ITPR2: variants seen among roughly 807,000 people sequenced by gnomAD.
The protein encoded by ITPR2 is inositol 1,4,5-trisphosphate receptor type 2, also known as inositol 1,4,5-trisphosphate-gated calcium channel ITPR2.
ITPR2 carries 207 observed loss-of-function variants against 317.1 expected under a neutral mutation model. The observed-to-expected ratio is 0.65, with a 90% CI of 0.58 to 0.73. ITPR2 has a LOEUF of 0.73. Among genes scored for constraint, ITPR2 ranks in the 30% least tolerant of loss-of-function variants. ITPR2 has a pLI of 0.00. For synonymous variants in ITPR2, 1,156 were observed against 1,149.1 expected (o/e 1.01, Z -0.12); for missense variants, 2,613 against 3,284.0 (o/e 0.80, Z 4.99).
In ITPR2 at chr12:26,539,152, T is replaced by C. The variant is rs372323145; in HGVS notation, c.5073+11095A>G. Among the ~76,000 whole-genome samples, 156 of 152,344 alleles carry C rather than the reference T, an allele frequency of 1.0e-3. 1 individual carries two copies. The highest frequency in any genetic ancestry group is 3.7e-3 in the African/African-American group (152 of 41,584). The stretch of plus-strand genomic sequence containing the variant: ...AGTATCCCGAAATTAGTGTATTTGA[T>C]AGAAAAGGTGAAATGTATCAGGCCC... On this transcript the variant is annotated intron_variant, in intron 37 of 56. Coordinates refer to ENST00000381340, the MANE Select transcript of ITPR2 (RefSeq NM_002223.4).
chr12:26,612,842 T>C (rs924402824), intron 26 of ITPR2, among the ~76,000 whole-genome samples: 1 of 152,216 alleles, frequency 6.6e-6, no homozygotes, highest in South Asian at 2.1e-4. Context: ...TCATTGCAAA[T>C]ACAAATCGCT....
chr12:26,660,552 ACTGGAATGTACCTATTC>A (rs1208766754), intron 15 of ITPR2, among the ~76,000 whole-genome samples: 1 of 152,232 alleles, frequency 6.6e-6, no homozygotes, highest in South Asian at 2.1e-4. Flanking sequence ...GGTAAAATTT[ACTGGAATGTACCTATTC>A]CTTGAAAATG....
At chr12:26,566,817 G>A (rs1413603487) in intron 34 of ITPR2, among the ~76,000 whole-genome samples, 2 of 152,112 alleles carry the variant, frequency 1.3e-5, no homozygotes, top group African/African-American at 4.8e-5. Flanking sequence ...ACACACAGCA[G>A]TGCAACTGCA....
intron 55 of ITPR2, among the ~76,000 whole-genome samples, chr12:26,374,984 A>T (rs554619423): frequency 1.3e-5 from 2 of 152,244 alleles, no homozygotes; most frequent in Non-Finnish European, 2.9e-5. Context: ...TGCCATCTTA[A>T]CTAATTACTT....
intron 37 of ITPR2, among the ~76,000 whole-genome samples, chr12:26,508,931 A>C (rs963937814): frequency 6.6e-6 from 1 of 152,250 alleles, no homozygotes; most frequent in East Asian, 1.9e-4. Flanking sequence ...GGTCCACACA[A>C]GAACTTGTAC....
At chr12:26,343,692 T>C (rs892245865) in intron 55 of ITPR2, among the ~76,000 whole-genome samples, 2 of 152,168 alleles carry the variant, frequency 1.3e-5, no homozygotes, top group African/African-American at 4.8e-5. Context: ...AGGGCCAAAA[T>C]CTGTATGAAT....
intron 2 of ITPR2, among the ~76,000 whole-genome samples, chr12:26,756,518 G>A (rs1004326232): frequency 1.2e-4 from 19 of 152,118 alleles, no homozygotes; most frequent in African/African-American, 4.6e-4. Context: ...TAGTCTTTTT[G>A]TAGAAATGCA....
In ITPR2 at chr12:26,467,169, T is replaced by A. The variant is rs571972925; in HGVS notation, c.6342+8127A>T. The stretch of plus-strand genomic sequence containing the variant: ...TAAATTAAACTTTAGCTATTTGGAG[T>A]AATTTACATGCATATCCCTTAAAAT... On this transcript the variant is annotated intron_variant, in intron 45 of 56. Transcript: ENST00000381340. Among the ~76,000 whole-genome samples the A allele has an allele frequency of 5.3e-5, 8 of 152,330 alleles. No homozygotes were observed. In the East Asian group the frequency reaches 1.5e-3, roughly 29 times the overall value.
intron 2 of ITPR2, among the ~76,000 whole-genome samples, chr12:26,733,148 T>C (rs1949053357): frequency 6.6e-6 from 1 of 151,682 alleles, no homozygotes; most frequent in Non-Finnish European, 1.5e-5. Context: ...ACCCCATCTC[T>C]ACTAAAAATA....
Position 26,655,767 on chromosome 12 carries a change from C to T in ITPR2, c.2530G>A (p.Glu844Lys). Reference protein sequence around the residue: ...TMEFVEEYLKEVVNQPFPFGD... With the variant: ...TMEFVEEYLKKVVNQPFPFGD... ...AAAGGAAAGGGCTGGTTTACAACTTCTTTCAAATATTCTTCAACAAATTCC... is the reference window on the plus strand; with the variant it reads ...AAAGGAAAGGGCTGGTTTACAACTTTTTTCAAATATTCTTCAACAAATTCC... The change falls in exon 20 of 57, where the codon GAA (glutamate) becomes AAA (lysine). Residue 844 changes from glutamate to lysine, a missense_variant. By Grantham distance (56) the Glu-to-Lys change is moderately conservative. This residue lies in a region of ITPR2 where 817 missense variants were observed against 897.6 expected (regional missense o/e 0.91). Coordinates refer to ENST00000381340, the MANE Select transcript of ITPR2 (RefSeq NM_002223.4). The T allele has an allele frequency of 2.5e-6, 4 of 1,613,034 alleles. No homozygotes were observed. Among genetic ancestry groups the T allele is most frequent in the Non-Finnish European group, 3.4e-6 (4 of 1,179,360 alleles).
At chr12:26,648,355 A>G (rs537355414) in intron 21 of ITPR2, among the ~76,000 whole-genome samples, 25 of 152,280 alleles carry the variant, frequency 1.6e-4, no homozygotes, top group African/African-American at 6.0e-4. Context: ...TCCAACCCCA[A>G]CTGTGCTGGA....
At chr12:26,576,298 T>C (rs1351736164) in intron 34 of ITPR2, among the ~76,000 whole-genome samples, 1 of 152,166 alleles carries the variant, frequency 6.6e-6, no homozygotes, top group African/African-American at 2.4e-5. Context: ...TCAGAGATAA[T>C]CAATATTAAA....
In ITPR2 at chr12:26,556,227, AC is replaced by A; in HGVS notation, c.4964+5del. 6.2e-7 allele frequency: 1 copy of A among 1,613,056 alleles called. No homozygotes were observed. The highest frequency in any genetic ancestry group is 8.5e-7 in the Non-Finnish European group (1 of 1,179,564). ...ACTAGCAGAATCTCAGATTGGATCC[AC>A]TTACTTCGACATGAAAGCGCCACAT... On this transcript the variant is annotated splice_donor_5th_base_variant and intron_variant, in intron 36 of 56. Coordinates refer to ENST00000381340, the MANE Select transcript of ITPR2 (RefSeq NM_002223.4).
At chr12:26,556,494 G>T in intron 35 of ITPR2, 119 bp from the exon 36 acceptor site, 1 of 894,452 alleles carries the variant, frequency 1.1e-6, no homozygotes, top group Non-Finnish European at 1.7e-6. Flanking sequence ...TATTTCCATA[G>T]CAGCAAATGT....
chr12:26,420,800 C>T (rs182671563), intron 49 of ITPR2, among the ~76,000 whole-genome samples: 106 of 152,098 alleles, frequency 7.0e-4, no homozygotes, highest in African/African-American at 2.5e-3. Flanking sequence ...TATAAGAATA[C>T]TAATCTATAT....
chr12:26,347,656 T>C (rs780141357), intron 55 of ITPR2, among the ~76,000 whole-genome samples: 7 of 152,226 alleles, frequency 4.6e-5, no homozygotes, highest in African/African-American at 7.2e-5. Context: ...TATGCTTAGC[T>C]TCTGAACTTG....
chr12:26,476,799 T>C (rs964422616), intron 44 of ITPR2, 113 bp downstream of exon 44: 1 of 657,324 alleles, frequency 1.5e-6, no homozygotes, highest in African/African-American at 1.8e-5. Flanking sequence ...TGATGTTCCA[T>C]TTGTCTTGGT....
chr12:26,722,604 G>T, intron 4 of ITPR2, 49 bp from the exon 5 acceptor site: 1 of 1,361,990 alleles, frequency 7.3e-7, no homozygotes, highest in Non-Finnish European at 1.0e-6. Flanking sequence ...GTTCTCCTCT[G>T]TTAATTACAT....
intron 9 of ITPR2, among the ~76,000 whole-genome samples, chr12:26,708,082 C>A (rs537962825): frequency 6.6e-6 from 1 of 152,080 alleles, no homozygotes; most frequent in South Asian, 2.1e-4. Context: ...GACTATTATC[C>A]AAAAGAAAGG....
Sources: gnomAD v4.1 joint callset for allele counts (sites outside exome capture counted in the v4.1 genomes callset) on GRCh38, gnomAD v4.1.1 for gene constraint, gnomAD v4.1.1 regional missense constraint, MANE v1.5 for transcripts, NCBI Gene and HGNC (gene_info 2026-07-23, HGNC 2026-07-21) for gene names.